CDKAL1: variants seen among roughly 807,000 people sequenced by gnomAD.
The protein encoded by CDKAL1 is CDKAL1 threonylcarbamoyladenosine tRNA methylthiotransferase.
Under a neutral mutation model 68.2 loss-of-function variants are expected in CDKAL1, and 32 were observed. The observed-to-expected ratio is 0.47, with a 90% CI of 0.35 to 0.63. The LOEUF is 0.63. CDKAL1 is among the 30% of genes least tolerant of loss of function. The pLI, the probability that CDKAL1 is intolerant of heterozygous loss-of-function variation, is 0.00. For synonymous variants in CDKAL1, 234 were observed against 244.3 expected, an observed-to-expected ratio of 0.96 and a Z score of 0.39; for missense variants, 606 against 696.7, an observed-to-expected ratio of 0.87 and a Z score of 1.47.
intron 15 of CDKAL1, among the ~76,000 whole-genome samples, chr6:21,205,574 A>C (rs987793947): frequency 4.6e-5 from 7 of 151,768 alleles, no homozygotes; most frequent in Non-Finnish European, 7.4e-5. Context: ...CCTGTCGCCC[A>C]GGCTGGAGTG....
At chr6:21,123,998 G>C (rs1432951777) in intron 13 of CDKAL1, among the ~76,000 whole-genome samples, 3 of 152,104 alleles carry the variant, frequency 2.0e-5, no homozygotes, top group Admixed American at 6.5e-5. Context: ...TTCTCTTTTT[G>C]TACTTGTTGC....
intron 9 of CDKAL1, among the ~76,000 whole-genome samples, chr6:20,913,158 C>T (rs72834304): frequency 0.087 from 12,703 of 145,694 alleles, 738 homozygotes; most frequent in East Asian, 0.27. Context: ...CACACACACA[C>T]ATTACCACAA....
At chr6:20,887,645 G>A (rs1761139681) in intron 9 of CDKAL1, among the ~76,000 whole-genome samples, 1 of 150,352 alleles carries the variant, frequency 6.7e-6, no homozygotes, top group Non-Finnish European at 1.5e-5. Flanking sequence ...GTAGGCACGA[G>A]GGTAGGGAGA....
intron 12 of CDKAL1, among the ~76,000 whole-genome samples, chr6:21,094,263 A>G (rs564071591): frequency 1.3e-5 from 2 of 152,186 alleles, no homozygotes; most frequent in African/African-American, 4.8e-5. Flanking sequence ...AATAGCAAAA[A>G]TGACATGTTA....
chr6:21,168,200 G>C (rs1167464202), intron 13 of CDKAL1, among the ~76,000 whole-genome samples: 1 of 152,116 alleles, frequency 6.6e-6, no homozygotes, highest in Non-Finnish European at 1.5e-5. Context: ...TTCTTTCTGG[G>C]GGCAGTTGAG....
At chr6:20,607,246 T>C (rs1455966706) in intron 4 of CDKAL1, among the ~76,000 whole-genome samples, 1 of 152,244 alleles carries the variant, frequency 6.6e-6, no homozygotes, top group Non-Finnish European at 1.5e-5. Flanking sequence ...GGTGTTGTGT[T>C]TTCCCCATTA....
intron 4 of CDKAL1, among the ~76,000 whole-genome samples, chr6:20,634,655 T>C (rs7755830): frequency 0.39 from 59,424 of 151,980 alleles, 12,803 homozygotes; most frequent in Middle Eastern, 0.51. Flanking sequence ...GGATTTGCCA[T>C]GGAAGATGGT....
chr6:20,814,847 T>C (rs1776977543), intron 8 of CDKAL1, among the ~76,000 whole-genome samples: 1 of 152,200 alleles, frequency 6.6e-6, no homozygotes, highest in Admixed American at 6.5e-5. Context: ...TCATCTTTCA[T>C]ACTCTGCCCT....
intron 2 of CDKAL1, among the ~76,000 whole-genome samples, chr6:20,545,182 A>G (rs1044011345): frequency 9.9e-5 from 15 of 151,866 alleles, no homozygotes; most frequent in African/African-American, 3.4e-4. Context: ...CAAGGAACTC[A>G]TCATATTCCT....
At chr6:20,625,419 T>G (rs1767384385) in intron 4 of CDKAL1, among the ~76,000 whole-genome samples, 1 of 152,130 alleles carries the variant, frequency 6.6e-6, no homozygotes, top group African/African-American at 2.4e-5. Flanking sequence ...ATGGTGTGTG[T>G]TAGTCTTGTG....
chr6:21,035,079 C>G (rs759436109), intron 11 of CDKAL1, among the ~76,000 whole-genome samples: 4 of 152,062 alleles, frequency 2.6e-5, no homozygotes, highest in Non-Finnish European at 5.9e-5. Context: ...AGAACTCTTG[C>G]TATGGAAATA....
intron 15 of CDKAL1, among the ~76,000 whole-genome samples, chr6:21,206,925 A>C (rs1582418451): frequency 1.5e-5 from 2 of 137,224 alleles, no homozygotes; most frequent in South Asian, 4.3e-4. Context: ...TTTTACTTTA[A>C]TTTCTTTTTT....
At chr6:20,813,053 A>G (rs907390461) in intron 8 of CDKAL1, among the ~76,000 whole-genome samples, 4 of 152,096 alleles carry the variant, frequency 2.6e-5, no homozygotes, top group African/African-American at 7.2e-5. Context: ...TTTAATTTGG[A>G]TTTCTTTAAT....
intron 5 of CDKAL1, among the ~76,000 whole-genome samples, chr6:20,720,848 G>T (rs1482268387): frequency 1.3e-5 from 2 of 152,194 alleles, no homozygotes; most frequent in African/African-American, 2.4e-5. Flanking sequence ...ACATGTAAGT[G>T]AGGATATGTG....
intron 4 of CDKAL1, among the ~76,000 whole-genome samples, chr6:20,628,722 A>G (rs926885582): frequency 2.0e-5 from 3 of 152,074 alleles, no homozygotes; most frequent in Admixed American, 1.3e-4. Context: ...AGTGCCTTCC[A>G]TGCTCTTGCA....
At chr6:20,647,903 C>G (rs1768552223) in intron 4 of CDKAL1, among the ~76,000 whole-genome samples, 1 of 151,204 alleles carries the variant, frequency 6.6e-6, no homozygotes, top group Non-Finnish European at 1.5e-5. Flanking sequence ...CCATGCCTTT[C>G]ATTGTTTCAA....
intron 10 of CDKAL1, among the ~76,000 whole-genome samples, chr6:20,963,925 A>G (rs1382062007): frequency 6.6e-6 from 1 of 152,228 alleles, no homozygotes; most frequent in Non-Finnish European, 1.5e-5. Flanking sequence ...ACATTGTGGT[A>G]TAAACTTCTG....
intron 5 of CDKAL1, among the ~76,000 whole-genome samples, chr6:20,693,845 G>T (rs932567874): frequency 6.6e-6 from 1 of 151,684 alleles, no homozygotes; most frequent in African/African-American, 2.4e-5. Context: ...GTCATGCTTG[G>T]CATGGGTCTT....
chr6:20,790,958 G>A (rs1320384329), intron 8 of CDKAL1, among the ~76,000 whole-genome samples: 1 of 152,208 alleles, frequency 6.6e-6, no homozygotes, highest in Non-Finnish European at 1.5e-5. Context: ...GAAAGGGTAG[G>A]TTAAAGTAAA....
Sources: gnomAD v4.1 joint callset for allele counts (sites outside exome capture counted in the v4.1 genomes callset) on GRCh38, gnomAD v4.1.1 for gene constraint, MANE v1.5 for transcripts, NCBI Gene and HGNC (gene_info 2026-07-23, HGNC 2026-07-21) for gene names.